Variants in MYO1D observed in about 807,000 individuals in gnomAD.
MYO1D encodes the protein unconventional myosin-Id.
A neutral mutation model predicts 122.0 loss-of-function variants in MYO1D; 83 were observed. The ratio of observed to expected loss-of-function variants is 0.68; its 90% CI spans 0.57 to 0.82. MYO1D has a LOEUF of 0.82. Ranked by LOEUF, MYO1D falls within the 40% of genes least tolerant of loss-of-function variation. The probability of loss-of-function intolerance (pLI) is 0.00; values close to 1 mark genes in which losing one functional copy is unlikely to be tolerated. For synonymous variants in MYO1D, 464 were observed against 446.9 expected, an observed-to-expected ratio of 1.04 and a Z score of -0.48; for missense variants, 1,157 against 1,269.5, an observed-to-expected ratio of 0.91 and a Z score of 1.35.
At chr17:32,600,894 T>C (rs1039807051) in intron 21 of MYO1D, among the ~76,000 whole-genome samples, 2 of 152,162 alleles carry the variant, frequency 1.3e-5, no homozygotes, top group African/African-American at 2.4e-5. Flanking sequence ...TTTTGGCCTA[T>C]CTCAGCTTTC....
At chr17:32,544,930 T>C (rs1221506005) in intron 21 of MYO1D, among the ~76,000 whole-genome samples, 1 of 152,230 alleles carries the variant, frequency 6.6e-6, no homozygotes, top group Non-Finnish European at 1.5e-5. Flanking sequence ...AAAATGCATA[T>C]TTTTAGTTCT....
At chr17:32,787,059 T>A (rs1200402738) in intron 1 of MYO1D, among the ~76,000 whole-genome samples, 2 of 151,730 alleles carry the variant, frequency 1.3e-5, no homozygotes, top group African/African-American at 4.8e-5. Flanking sequence ...AAAGAAGGCA[T>A]CATTTAAAAG....
chr17:32,706,195 C>T (rs1322692461), intron 16 of MYO1D, among the ~76,000 whole-genome samples: 1 of 152,148 alleles, frequency 6.6e-6, no homozygotes, highest in African/African-American at 2.4e-5. Flanking sequence ...GCAACTTCTG[C>T]CTCCAGGTTC....
At chr17:32,659,641 A>G (rs1183413970) in intron 16 of MYO1D, among the ~76,000 whole-genome samples, 1 of 152,242 alleles carries the variant, frequency 6.6e-6, no homozygotes, top group Non-Finnish European at 1.5e-5. Flanking sequence ...CAAAATGCAA[A>G]TATCTTTGGA....
At chr17:32,861,903 C>G (rs575584621) in intron 1 of MYO1D, among the ~76,000 whole-genome samples, 1 of 152,020 alleles carries the variant, frequency 6.6e-6, no homozygotes, top group African/African-American at 2.4e-5. Context: ...CTGTAGTCCC[C>G]GCTACTCGGG....
intron 1 of MYO1D, among the ~76,000 whole-genome samples, chr17:32,855,079 A>G (rs2091017017): frequency 6.6e-6 from 1 of 152,318 alleles, no homozygotes; most frequent in South Asian, 2.1e-4. Context: ...ATTGGCTGCA[A>G]TGAGGTTTAT....
intron 21 of MYO1D, among the ~76,000 whole-genome samples, chr17:32,511,604 A>AT (rs1909697949): frequency 1.6e-5 from 2 of 128,442 alleles, no homozygotes; most frequent in East Asian, 5.4e-4. Flanking sequence ...GCTGTATTGA[A>AT]CTTTTTTTTT....
intron 7 of MYO1D, among the ~76,000 whole-genome samples, chr17:32,765,347 CTCTT>C (rs1453100213): frequency 6.6e-6 from 1 of 152,094 alleles, no homozygotes; most frequent in African/African-American, 2.4e-5. Context: ...CTTAGGGTCT[CTCTT>C]TCTTTGGTGT....
Position 32,796,421 on chromosome 17 carries a change from C to CT in MYO1D, c.96-15638dup, listed in dbSNP as rs891194210. Among the ~76,000 whole-genome samples, 278 of 150,056 alleles carry CT rather than the reference C, an allele frequency of 1.9e-3. 1 individual carries two copies. The highest frequency in any genetic ancestry group is 5.9e-3 in the African/African-American group (240 of 41,024). ...CATGTGAATTACAGTATTAAACATACTTTTTTTTTTGAGACTGTCTCACAG... is the reference window on the plus strand; with the variant it reads ...CATGTGAATTACAGTATTAAACATACTTTTTTTTTTTGAGACTGTCTCACAG... On this transcript the variant is annotated intron_variant, in intron 1 of 21. Transcript: ENST00000318217.
At chr17:32,729,399 TG>T (rs1195410051) in intron 14 of MYO1D, among the ~76,000 whole-genome samples, 1 of 152,116 alleles carries the variant, frequency 6.6e-6, no homozygotes, top group African/African-American at 2.4e-5. Context: ...ATTTATAATC[TG>T]GGTGGGGATA....
At chr17:32,717,841 T>G (rs2089465855) in intron 15 of MYO1D, among the ~76,000 whole-genome samples, 1 of 152,236 alleles carries the variant, frequency 6.6e-6, no homozygotes, top group South Asian at 2.1e-4. Context: ...AAAAAATTCT[T>G]ATGCTTGACA....
At chr17:32,807,181 A>C (rs2151047478) in intron 1 of MYO1D, among the ~76,000 whole-genome samples, 1 of 152,322 alleles carries the variant, frequency 6.6e-6, no homozygotes, top group East Asian at 1.9e-4. Flanking sequence ...TACTATTTTA[A>C]TATGTATGAA....
chr17:32,645,979 C>G (rs2088287894), intron 19 of MYO1D, among the ~76,000 whole-genome samples: 1 of 152,114 alleles, frequency 6.6e-6, no homozygotes, highest in East Asian at 1.9e-4. Flanking sequence ...GAGAGGTGCT[C>G]TGATTTTTAG....
chr17:32,844,388 T>TATATATATATAC (rs1360185914), intron 1 of MYO1D, among the ~76,000 whole-genome samples: 36 of 146,888 alleles, frequency 2.5e-4, no homozygotes, highest in African/African-American at 8.7e-4. Flanking sequence ...TGTGTATATA[T>TATATATATATAC]ACTATATATA....
At chr17:32,758,414 T>C (rs1598071840) in intron 10 of MYO1D, among the ~76,000 whole-genome samples, 1 of 152,148 alleles carries the variant, frequency 6.6e-6, no homozygotes, top group Non-Finnish European at 1.5e-5. Context: ...GGATATTTTA[T>C]GATATTAAGG....
intron 21 of MYO1D, among the ~76,000 whole-genome samples, chr17:32,600,534 T>C (rs572335881): frequency 6.2e-4 from 95 of 152,350 alleles, no homozygotes; most frequent in African/African-American, 2.2e-3. Flanking sequence ...TTCTCCATCA[T>C]CACTTGCTGC....
chr17:32,710,676 AC>A (rs1338134416), intron 16 of MYO1D, among the ~76,000 whole-genome samples: 1 of 152,228 alleles, frequency 6.6e-6, no homozygotes, highest in Non-Finnish European at 1.5e-5. Flanking sequence ...AGAATATATA[AC>A]ATCTAAAGTA....
rs372120619 is a variant in MYO1D at position 32,625,273 on chromosome 17, T to G, written c.2709+13449A>C. ...TGTAAGAAAGACTTAAATAGATAAATAAAGAAAATGAGAGAGAGAGAGAGA... is the reference window on the plus strand; with the variant it reads ...TGTAAGAAAGACTTAAATAGATAAAGAAAGAAAATGAGAGAGAGAGAGAGA... On this transcript the variant is annotated intron_variant, in intron 20 of 21. Transcript: ENST00000318217. Among the ~76,000 whole-genome samples, 5 of 151,572 alleles carry G rather than the reference T, an allele frequency of 3.3e-5. No individual in the cohort carries two copies. In the East Asian group the frequency reaches 5.8e-4, roughly 18 times the overall value.
At chr17:32,780,986 G>A (rs2090231239) in intron 1 of MYO1D, among the ~76,000 whole-genome samples, 1 of 152,206 alleles carries the variant, frequency 6.6e-6, no homozygotes, top group Non-Finnish European at 1.5e-5. Flanking sequence ...AAGACCAGTA[G>A]GGGTTAAAAG....
Sources: gnomAD v4.1 joint callset for allele counts (sites outside exome capture counted in the v4.1 genomes callset) on GRCh38, gnomAD v4.1.1 for gene constraint, MANE v1.5 for transcripts, NCBI Gene and HGNC (gene_info 2026-07-23, HGNC 2026-07-21) for gene names.